Variants in DOCK6 observed in about 807,000 individuals in gnomAD.
DOCK6 encodes dedicator of cytokinesis protein 6.
In DOCK6, 167 loss-of-function variants were observed where a neutral mutation model predicts 230.3. The ratio of observed to expected loss-of-function variants is 0.73; its 90% CI spans 0.64 to 0.82. The LOEUF is 0.82. Ranked by LOEUF, DOCK6 falls within the 40% of genes least tolerant of loss-of-function variation. The pLI, the probability that DOCK6 is intolerant of heterozygous loss-of-function variation, is 0.00. For synonymous variants in DOCK6, 1,148 were observed against 1,185.0 expected, an observed-to-expected ratio of 0.97 and a Z score of 0.64; for missense variants, 2,598 against 2,825.8, an observed-to-expected ratio of 0.92 and a Z score of 1.83.
intron 1 of DOCK6, among the ~76,000 whole-genome samples, chr19:11,255,315 T>TC (rs1363107499): frequency 6.6e-6 from 1 of 151,414 alleles, no homozygotes; most frequent in East Asian, 1.9e-4. Context: ...TACTTTTTTT[T>TC]TTTTTTTTTG....
chr19:11,243,442 G>GGGGCGGCACAGTTC lies in DOCK6; in HGVS notation c.1259-71_1259-58dup, dbSNP rs1458521748. On this transcript the variant is annotated intron_variant, in intron 11 of 47. Coordinates refer to ENST00000294618, the MANE Select transcript of DOCK6 (RefSeq NM_020812.4). This position sits in a 1 kb window ranked among gnomAD's most constrained non-coding sequence, Gnocchi z 6.3. ...GACCAAGATGAAACAGGGAGACTCA[G>GGGGCGGCACAGTTC]GGGCGGCACAGTTCGGCCAGCAGAG... 2.7e-5 allele frequency: 43 copies of GGGGCGGCACAGTTC among 1,573,432 alleles called. No individual in the cohort carries two copies. Among genetic ancestry groups the GGGGCGGCACAGTTC allele is most frequent in the Non-Finnish European group, 3.7e-5 (43 of 1,161,466 alleles).
At chr19:11,230,918 C>T (rs538825149) in intron 22 of DOCK6, among the ~76,000 whole-genome samples, 1 of 152,088 alleles carries the variant, frequency 6.6e-6, no homozygotes, top group Non-Finnish European at 1.5e-5. Context: ...ATGACAGAGA[C>T]GACCCAACCC....
chr19:11,262,455 G>C lies in DOCK6; in HGVS notation c.-15C>G. On this transcript the variant is annotated 5_prime_UTR_variant, in exon 1 of 48. Transcript: ENST00000294618. Reference sequence around the variant, plus strand: ...GAGGCAGCCATGGTCCTCGCGTCCCGCCGCCGCCGCCCCGGGCCCCGGCCC... The same window carrying C: ...GAGGCAGCCATGGTCCTCGCGTCCCCCCGCCGCCGCCCCGGGCCCCGGCCC... 8.7e-7 allele frequency: 1 copy of C among 1,143,254 alleles called. No individual in the cohort carries two copies. Among genetic ancestry groups the C allele is most frequent in the Non-Finnish European group, 1.1e-6 (1 of 930,526 alleles). The allele number at this position is 1,143,254 out of a possible 1,614,324, so 70.8% of individuals were successfully genotyped here.
chr19:11,230,928 C>T (rs1479658479), intron 22 of DOCK6, among the ~76,000 whole-genome samples: 1 of 152,138 alleles, frequency 6.6e-6, no homozygotes, highest in Non-Finnish European at 1.5e-5. Flanking sequence ...CGACCCAACC[C>T]TGGGACCTAC....
chr19:11,216,912 AC>A lies in DOCK6; in HGVS notation c.3894+1del, dbSNP rs749579694. ...CATCATCTCCTGCCCACGCCCTCAA[AC>A]CTTGTACTCAAAGGCAGCTAGGCAA... is the stretch of plus-strand genomic sequence containing the variant. On this transcript the variant is annotated splice_donor_variant, in intron 30 of 47. Coordinates refer to ENST00000294618, the MANE Select transcript of DOCK6 (RefSeq NM_020812.4). LOFTEE classifies it high-confidence loss of function. The A allele has an allele frequency of 1.2e-6, 2 of 1,613,372 alleles. No individual in the cohort carries two copies. The highest frequency in any genetic ancestry group is 3.3e-5 in the Admixed American group (2 of 59,968).
chr19:11,209,000 A>G lies in DOCK6; in HGVS notation c.4855T>C (p.Cys1619Arg), dbSNP rs1403870934. The change falls in exon 38 of 48, where the codon TGC (cysteine) becomes CGC (arginine). Residue 1619 changes from cysteine (C) to arginine (R), a missense_variant. By Grantham distance (180) the Cys-to-Arg change is radical. Transcript: ENST00000294618. ...ELGNHAEAAQ[C>R]MVHAAALVAE... ...ACGAGGGCGGCCGCGTGCACCATGC[A>G]CTGGGCGGCCTCGGCGTGGTTGCCC... 1 of 1,611,220 alleles carries G rather than the reference A, an allele frequency of 6.2e-7. No homozygotes were observed. Among genetic ancestry groups the G allele is most frequent in the African/African-American group, 1.3e-5 (1 of 74,810 alleles).
chr19:11,239,479 G>C, intron 14 of DOCK6: 4 of 924,666 alleles, frequency 4.3e-6, no homozygotes, highest in Non-Finnish European at 6.4e-6. Context: ...GCGTGGCCTA[G>C]CCGGACATTC....
intron 41 of DOCK6, 41 bp downstream of exon 41, chr19:11,204,040 G>T (rs1039845476): frequency 6.5e-7 from 1 of 1,549,222 alleles, no homozygotes; most frequent in South Asian, 1.2e-5. Flanking sequence ...GTCATCACGG[G>T]GGTCCCAGAG....
In DOCK6 at chr19:11,200,748, TTTG is replaced by T. The variant is rs765753922; in HGVS notation, c.5904_5906del (p.Asn1968del). The T allele has an allele frequency of 1.2e-6, 2 of 1,613,568 alleles. No homozygotes were observed. The highest frequency in any genetic ancestry group is 2.7e-5 in the African/African-American group (2 of 74,904). On this transcript the variant is annotated inframe_deletion, in exon 46 of 48. Coordinates refer to ENST00000294618, the MANE Select transcript of DOCK6 (RefSeq NM_020812.4). This position sits in a 1 kb window ranked among gnomAD's most constrained non-coding sequence, Gnocchi z 4.3. ...AGAAGTCCTTGAAGCAGAGCCGCAATTTGTTGTGATGCCGGAAGAGCTTGGGGT... is the reference window on the plus strand; with the variant it reads ...AGAAGTCCTTGAAGCAGAGCCGCAATTTGTGATGCCGGAAGAGCTTGGGGT...
chr19:11,210,304 C>CTCT (rs2079356434), intron 37 of DOCK6, among the ~76,000 whole-genome samples: 1 of 150,936 alleles, frequency 6.6e-6, no homozygotes. Flanking sequence ...CTGTCCACCC[C>CTCT]TCACCTGTTC....
chr19:11,224,217 T>TCTTTCTTTCTTTC (rs1555691456), intron 24 of DOCK6, among the ~76,000 whole-genome samples: 6 of 149,124 alleles, frequency 4.0e-5, no homozygotes, highest in East Asian at 2.0e-4. Flanking sequence ...TTTCTTTCTT[T>TCTTTCTTTCTTTC]TTTTTTTTTT....
rs372031674 is a variant in DOCK6 at position 11,250,887 on chromosome 19, G to A, written c.707C>T (p.Pro236Leu). Residue 236 changes from proline to leucine, a missense_variant, in exon 6 of 48, where the codon CCG (proline) becomes CTG (leucine). Physicochemically the swap from Pro to Leu is moderately conservative, Grantham distance 98. Coordinates refer to ENST00000294618, the MANE Select transcript of DOCK6 (RefSeq NM_020812.4). ...AGGGGCACCCACCTCGTCAGGTGCC[G>A]GGTAGAGGGTGAGCAGGGCCGGGGG... ...HRPPALLTLY[P>L]APDEDEAVER... 33 of 1,597,814 alleles carry A rather than the reference G, an allele frequency of 2.1e-5. No individual in the cohort carries two copies. The highest frequency in any genetic ancestry group is 1.7e-4 in the Admixed American group (10 of 59,774).
chr19:11,207,220 G>A (rs550867649), intron 39 of DOCK6, among the ~76,000 whole-genome samples: 1 of 152,112 alleles, frequency 6.6e-6, no homozygotes, highest in Admixed American at 6.6e-5. Context: ...TTGAGACAAG[G>A]TTTCACTCTG....
rs192428488 is a variant in DOCK6, at chr19:11,215,396, C to T, written c.4097G>A (p.Arg1366His). 3.5e-5 allele frequency: 57 copies of T among 1,613,642 alleles called. No individual in the cohort carries two copies. In the African/African-American group the frequency reaches 5.7e-4, roughly 16 times the overall value. Residue 1366 changes from arginine (R) to histidine (H), a missense_variant, in exon 32 of 48, where the codon CGC (arginine) becomes CAC (histidine). Arg to His is a conservative substitution (Grantham distance 29). Transcript: ENST00000294618. ...TCCTGCCCACACCTACTTGTCCACGCGGTCTGAGGTTTGCTTCCAGTGTGT... is the reference window on the plus strand; with the variant it reads ...TCCTGCCCACACCTACTTGTCCACGTGGTCTGAGGTTTGCTTCCAGTGTGT... Reference protein sequence around the residue: ...SVTHWKQTSDRVDKTKDEMEH... With the variant: ...SVTHWKQTSDHVDKTKDEMEH...
intron 39 of DOCK6, 30 bp downstream of exon 39, chr19:11,208,656 C>T: frequency 2.5e-6 from 4 of 1,593,090 alleles, no homozygotes; most frequent in East Asian, 2.3e-5. Context: ...CCCGAGCCCC[C>T]TCTCCTGCAC....
chr19:11,216,971 G>A lies in DOCK6; in HGVS notation c.3837C>T (p.Pro1279=), dbSNP rs775363452. ...GCAAATCCAACAGACGTCCCAGCTGGGGGAGTGTCAGGTCAGTGGCCCAGC... is the reference window on the plus strand; with the variant it reads ...GCAAATCCAACAGACGTCCCAGCTGAGGGAGTGTCAGGTCAGTGGCCCAGC... ...LQRWATDLTL[P]QLGRLLDLLY... The change falls in exon 30 of 48, where the codon CCC becomes CCT. Residue 1279 remains proline (P), a synonymous_variant. Coordinates refer to ENST00000294618, the MANE Select transcript of DOCK6 (RefSeq NM_020812.4). 6.2e-7 allele frequency: 1 copy of A among 1,613,648 alleles called. No homozygotes were observed. The highest frequency in any genetic ancestry group is 1.3e-5 in the African/African-American group (1 of 74,926).
At chr19:11,232,832 T>C (rs1268625309) in intron 22 of DOCK6, among the ~76,000 whole-genome samples, 1 of 151,658 alleles carries the variant, frequency 6.6e-6, no homozygotes, top group Non-Finnish European at 1.5e-5. Context: ...CATATATGCA[T>C]GGGGTGAATG....
rs1471523318 is a variant in DOCK6 at position 11,243,728 on chromosome 19, C to T, written c.1105-18G>A. 6.2e-7 allele frequency: 1 copy of T among 1,613,780 alleles called. No individual in the cohort carries two copies. The highest frequency in any genetic ancestry group is 8.5e-7 in the Non-Finnish European group (1 of 1,179,832). ...TCTTTGTTCTGTGGGGAGACCCCGT[C>T]CCCTGCCAGCTCAGCATCCTAGCCC... On this transcript the variant is annotated intron_variant, in intron 10 of 47. Transcript: ENST00000294618. This position sits in a 1 kb window ranked among gnomAD's most constrained non-coding sequence, Gnocchi z 6.3.
At chr19:11,253,759 G>T in intron 1 of DOCK6, 33 bp from the exon 2 acceptor site, 1 of 1,374,710 alleles carries the variant, frequency 7.3e-7, no homozygotes, top group Non-Finnish European at 9.7e-7. Flanking sequence ...ATTGGGGACG[G>T]GAAAACTCAG....
Sources: allele counts gnomAD v4.1 joint callset (sites outside exome capture counted in the v4.1 genomes callset), GRCh38; gene constraint gnomAD v4.1.1; non-coding constraint Gnocchi (gnomAD v3.1); transcripts MANE v1.5; gene names NCBI Gene and HGNC (gene_info 2026-07-23, HGNC 2026-07-21).